The following CTBP1 variants were observed in gnomAD, a reference collection of about 807,000 sequenced individuals.
The protein encoded by CTBP1 is C-terminal binding protein 1, also known as C-terminal-binding protein 1.
A neutral mutation model predicts 42.1 loss-of-function variants in CTBP1; 11 were observed. That is an observed-to-expected ratio of 0.26 (90% CI 0.16 to 0.43). CTBP1 has a LOEUF of 0.43. Among genes scored for constraint, CTBP1 ranks in the 20% least tolerant of loss-of-function variants. The probability of loss-of-function intolerance (pLI) is 1.00; values close to 1 mark genes in which losing one functional copy is unlikely to be tolerated. For synonymous variants in CTBP1, 324 were observed against 277.1 expected, an observed-to-expected ratio of 1.17 and a Z score of -1.68; for missense variants, 399 against 624.3, an observed-to-expected ratio of 0.64 and a Z score of 3.85.
chr4:1,245,683 G>A (rs1577083269), intron 1 of CTBP1: 2 of 983,344 alleles, frequency 2.0e-6, no homozygotes, highest in Non-Finnish European at 2.4e-6. Context: ...GGTGGCACGG[G>A]TGGGCAGGGT....
In CTBP1 at chr4:1,248,932, G is replaced by T; in HGVS notation, c.-205C>A. On this transcript the variant is annotated 5_prime_UTR_variant, in exon 1 of 10. Coordinates refer to ENST00000382952, the MANE Select transcript of CTBP1 (RefSeq NM_001012614.2). ...CGGCCTTACCAAGCGGCAGGCCCTT[G>T]TTGAGCAAGTGCGAGCTGCCCATCG... 5 of 1,011,986 alleles carry T rather than the reference G, an allele frequency of 4.9e-6. No individual in the cohort carries two copies. Among genetic ancestry groups the T allele is most frequent in the Non-Finnish European group, 5.9e-6 (5 of 841,274 alleles). The allele number at this position is 1,011,986 out of a possible 1,614,324, so 62.7% of individuals were successfully genotyped here. A position where few individuals can be genotyped will look rare whatever the true frequency, so the allele number is the denominator to read the frequency against.
chr4:1,213,528 G>C lies in CTBP1; in HGVS notation c.938C>G (p.Ser313Cys), dbSNP rs1189438054. 1 of 1,613,008 alleles carries C rather than the reference G, an allele frequency of 6.2e-7. No individual in the cohort carries two copies. The highest frequency in any genetic ancestry group is 1.7e-5 in the Admixed American group (1 of 59,992). Residue 313 changes from serine to cysteine, a missense_variant, in exon 8 of 10, where the codon TCC becomes TGC. Physicochemically the swap from Ser to Cys is moderately radical, Grantham distance 112. This residue lies in a region of CTBP1 where 309 missense variants were observed against 497.5 expected (regional missense o/e 0.62). Transcript: ENST00000382952. ...PHAAWYSEQA[S>C]IEMREEAARE... ...TGCCGCCTCCTCTCGCATCTCGATG[G>C]ATGCCTGCTCGCTGTACCATGCAGC...
chr4:1,220,743 G>A (rs1305961398), intron 5 of CTBP1, among the ~76,000 whole-genome samples: 1 of 152,270 alleles, frequency 6.6e-6, no homozygotes, highest in Non-Finnish European at 1.5e-5. Context: ...CAACCGGAAG[G>A]AGGGCTCCTC....
At chr4:1,214,318 G>T in intron 7 of CTBP1, 25 bp downstream of exon 7, 3 of 1,528,392 alleles carry the variant, frequency 2.0e-6, no homozygotes, top group Non-Finnish European at 2.6e-6. Flanking sequence ...GAAGAGCAGG[G>T]GGGCGGCACT....
chr4:1,244,598 T>A (rs1378772102), intron 1 of CTBP1: 1 of 984,498 alleles, frequency 1.0e-6, no homozygotes, highest in Non-Finnish European at 1.2e-6. Context: ...ACCAACCCCA[T>A]CTTCTTCCCC....
chr4:1,223,498 G>A (rs989700163), intron 5 of CTBP1: 2 of 456,000 alleles, frequency 4.4e-6, no homozygotes, highest in African/African-American at 4.0e-5. Flanking sequence ...ACAGCGGTCA[G>A]CAGGAGTGGG....
At chr4:1,213,932 G>A (rs1728821750) in intron 7 of CTBP1, 2 of 414,436 alleles carry the variant, frequency 4.8e-6, no homozygotes, top group Non-Finnish European at 8.6e-6. Flanking sequence ...GGCTGATACT[G>A]CCCCTGTGGG....
chr4:1,230,459 G>C (rs138423550), intron 3 of CTBP1, among the ~76,000 whole-genome samples: 39 of 152,332 alleles, frequency 2.6e-4, no homozygotes, highest in African/African-American at 7.9e-4. Flanking sequence ...CTGCGCATGC[G>C]AGCGGTGGGC....
At chr4:1,243,079 T>C in intron 1 of CTBP1, 1 of 985,420 alleles carries the variant, frequency 1.0e-6, no homozygotes, top group Non-Finnish European at 1.2e-6. Context: ...TACCAGTCAA[T>C]ACTCATCAAT....
At chr4:1,244,489 ACCCTCCACGT>A in intron 1 of CTBP1, 1 of 984,336 alleles carries the variant, frequency 1.0e-6, no homozygotes, top group Non-Finnish European at 1.2e-6. Context: ...GCAGCTACCA[ACCCTCCACGT>A]CCCTCCACTG....
At chr4:1,223,618 A>G in intron 5 of CTBP1, 1 of 401,120 alleles carries the variant, frequency 2.5e-6, no homozygotes, top group Non-Finnish European at 5.0e-6. Flanking sequence ...ATCTGGGGAG[A>G]CAGGCAGCTG....
intron 6 of CTBP1, chr4:1,215,549 C>G (rs1029148403): frequency 8.1e-6 from 2 of 248,192 alleles, no homozygotes; most frequent in Admixed American, 5.2e-5. Context: ...GTTCCAGCTG[C>G]AGATGTCAGA....
intron 5 of CTBP1, among the ~76,000 whole-genome samples, chr4:1,219,249 G>C (rs555872202): frequency 1.3e-5 from 2 of 152,284 alleles, no homozygotes; most frequent in East Asian, 3.9e-4. Flanking sequence ...CTACTTCGGA[G>C]GCTAAGGCAA....
rs1025604033 is a variant in CTBP1, at chr4:1,244,245, C to T, written c.-188-2726G>A. ...CGCCCCGATCCACGTGTGTGCTGGG[C>T]ATCGGTCCATTCTGGTCTGGAGAGG... On this transcript the variant is annotated intron_variant, in intron 1 of 9. Coordinates refer to ENST00000382952, the MANE Select transcript of CTBP1 (RefSeq NM_001012614.2). 4 of 985,092 alleles carry T rather than the reference C, an allele frequency of 4.1e-6. No homozygotes were observed. In the Admixed American group the frequency reaches 1.8e-4, roughly 46 times the overall value. The allele number at this position is 985,092 out of a possible 1,614,324, so 61.0% of individuals were successfully genotyped here. A position where few individuals can be genotyped will look rare whatever the true frequency, so the allele number is the denominator to read the frequency against.
At chr4:1,244,265 G>C (rs555733502) in intron 1 of CTBP1, 1 of 985,280 alleles carries the variant, frequency 1.0e-6, no homozygotes, top group African/African-American at 1.7e-5. Flanking sequence ...TTCTGGTCTG[G>C]AGAGGGACCG....
chr4:1,212,445 G>A (rs768657277), intron 9 of CTBP1, 22 bp from the exon 10 acceptor site: 20 of 1,419,212 alleles, frequency 1.4e-5, no homozygotes, highest in Middle Eastern at 5.0e-4. Context: ...GGGTCCATCC[G>A]TGAGGCCCAC....
intron 2 of CTBP1, among the ~76,000 whole-genome samples, chr4:1,239,642 T>G (rs1731949838): frequency 1.3e-5 from 2 of 152,196 alleles, no homozygotes; most frequent in South Asian, 4.1e-4. Context: ...GCAGTGGGCC[T>G]GCAGCACACG....
chr4:1,241,126 C>T (rs1190949957), intron 2 of CTBP1, among the ~76,000 whole-genome samples, 199 bp downstream of exon 2: 1 of 152,230 alleles, frequency 6.6e-6, no homozygotes, highest in Non-Finnish European at 1.5e-5. Flanking sequence ...TGTGCTCTGC[C>T]ACCAGGTGTG....
chr4:1,242,758 C>T, intron 1 of CTBP1: 3 of 985,446 alleles, frequency 3.0e-6, no homozygotes, highest in Non-Finnish European at 3.6e-6. Context: ...GCCTCCTGCC[C>T]TGAATGCCAG....
Sources: allele counts gnomAD v4.1 joint callset (sites outside exome capture counted in the v4.1 genomes callset), GRCh38; gene constraint gnomAD v4.1.1; regional missense constraint gnomAD v4.1.1; transcripts MANE v1.5; gene names NCBI Gene and HGNC (gene_info 2026-07-23, HGNC 2026-07-21).